The following PAICS variants were observed in gnomAD, a reference collection of about 807,000 sequenced individuals.
PAICS encodes phosphoribosylaminoimidazole carboxylase and phosphoribosylaminoimidazolesuccinocarboxamide synthase.
A neutral mutation model predicts 53.7 loss-of-function variants in PAICS; 33 were observed. That is an observed-to-expected ratio of 0.61 (90% CI 0.47 to 0.82). The LOEUF (loss-of-function observed/expected upper bound fraction) is 0.82, where lower values mean the gene tolerates loss of function less well. PAICS is among the 40% of genes least tolerant of loss of function. The pLI is 0.00. For synonymous variants in PAICS, 141 were observed against 167.2 expected (o/e 0.84, Z 1.21); for missense variants, 394 against 494.1 (o/e 0.80, Z 1.92).
chr4:56,412,309 C>CT, the PAICS span, among the ~76,000 whole-genome samples: 1,303 of 142,070 alleles, frequency 9.2e-3, 19 homozygotes, highest in Admixed American at 0.046. Flanking sequence ...CTCCCATCAC[C>CT]TTTTTTTTTT....
At chr4:56,420,432 G>A in the PAICS span, 2 of 152,140 alleles carry the variant, frequency 1.3e-5, no homozygotes, top group Non-Finnish European at 2.9e-5. Context: ...CCTGTATTGA[G>A]AATGTTCAGT....
rs113021519 is a variant in PAICS at position 56,443,498 on chromosome 4, AT to A, written c.214+1649del. 6.7e-3 allele frequency among the ~76,000 whole-genome samples: 998 copies of A among 147,904 alleles called. 18 individuals are homozygous for A. Among genetic ancestry groups the A allele is most frequent in the South Asian group, 0.04 (188 of 4,702 alleles). ...CCACCACACCCGGCCTGTTCCATCGATTTTTTTTTTTCTTCCCAAGTTTTAA... is the reference window on the plus strand; with the variant it reads ...CCACCACACCCGGCCTGTTCCATCGATTTTTTTTTTCTTCCCAAGTTTTAA... On this transcript the variant is annotated intron_variant, in intron 2 of 8. Transcript: ENST00000512576.
chr4:56,440,942 CTTCTTAGG>C (rs1294912630), intron 1 of PAICS, among the ~76,000 whole-genome samples: 3 of 152,130 alleles, frequency 2.0e-5, no homozygotes, highest in Non-Finnish European at 4.4e-5. Context: ...CTTTTGTGTA[CTTCTTAGG>C]TTTTGTGACC....
At chr4:56,435,983 A>G (rs1384720914), upstream of PAICS, 1 of 1,522,900 alleles carries the variant, frequency 6.6e-7, no homozygotes, top group African/African-American at 1.4e-5. Context: ...GGGGTATGCG[A>G]GCTTCCGCAG....
At chr4:56,436,414 T>C in intron 1 of PAICS, 86 bp downstream of exon 1, 1 of 1,095,600 alleles carries the variant, frequency 9.1e-7, no homozygotes, top group South Asian at 1.3e-5. Flanking sequence ...CGAAACTCTG[T>C]CCCGCCTCCC....
At chr4:56,442,633 C>A (rs576557158) in intron 2 of PAICS, among the ~76,000 whole-genome samples, 5 of 152,156 alleles carry the variant, frequency 3.3e-5, no homozygotes, top group Admixed American at 1.3e-4. Context: ...ACCTACGAAA[C>A]CTTACCTATG....
At chr4:56,418,901 G>A in the PAICS span, among the ~76,000 whole-genome samples, 5 of 152,284 alleles carry the variant, frequency 3.3e-5, no homozygotes, top group South Asian at 1.0e-3. Flanking sequence ...TACTGCCTAG[G>A]AACAAGGCAT....
chr4:56,448,260 C>T (rs1718717955), intron 3 of PAICS, among the ~76,000 whole-genome samples, 158 bp from the exon 4 acceptor site: 1 of 152,066 alleles, frequency 6.6e-6, no homozygotes, highest in Non-Finnish European at 1.5e-5. Flanking sequence ...CCACCTCAGC[C>T]CCCTAAAGTG....
intron 7 of PAICS, 49 bp from the exon 8 acceptor site, chr4:56,453,554 A>T: frequency 1.6e-6 from 2 of 1,259,534 alleles, no homozygotes; most frequent in Non-Finnish European, 2.2e-6. Context: ...CCCTGTCTTT[A>T]AATCTGTTTT....
chr4:56,448,010 T>TTC (rs1718703321), intron 3 of PAICS, among the ~76,000 whole-genome samples: 1 of 144,424 alleles, frequency 6.9e-6, no homozygotes, highest in East Asian at 2.0e-4. Flanking sequence ...TTCTTTTCTT[T>TTC]TTTTTTTTTT....
At chr4:56,429,027 A>G in the PAICS span, 56 of 858,934 alleles carry the variant, frequency 6.5e-5, no homozygotes, top group Non-Finnish European at 7.3e-5. Flanking sequence ...AGAAATAACA[A>G]GTTCTTCCAC....
chr4:56,450,782 G>T (rs905235020), intron 6 of PAICS, 80 bp downstream of exon 6: 199 of 742,246 alleles, frequency 2.7e-4, no homozygotes, highest in Admixed American at 4.3e-4. Context: ...AAAAAAATGG[G>T]AGAGTATAGT....
At chr4:56,438,404 A>ATATATAT (rs1578145839) in intron 1 of PAICS, among the ~76,000 whole-genome samples, 5 of 41,478 alleles carry the variant, frequency 1.2e-4, no homozygotes, top group South Asian at 9.1e-4. Context: ...TATATATATA[A>ATATATAT]AAGGTTTTTT....
At chr4:56,435,250 G>A, upstream of PAICS, 1 of 1,547,244 alleles carries the variant, frequency 6.5e-7, no homozygotes, top group Non-Finnish European at 8.8e-7. Context: ...GGAGAGGTCG[G>A]TCCTCCCGGG....
chr4:56,434,326 G>A (rs1520025), upstream of PAICS, among the ~76,000 whole-genome samples: 5,972 of 152,210 alleles, frequency 0.039, 159 homozygotes, highest in Admixed American at 0.089. Flanking sequence ...GCGTTTATAC[G>A]TGTTGCACCC....
At chr4:56,433,808 C>T (rs1227810533), upstream of PAICS, among the ~76,000 whole-genome samples, 1 of 152,040 alleles carries the variant, frequency 6.6e-6, no homozygotes, top group Non-Finnish European at 1.5e-5. Flanking sequence ...GATTCTCCTG[C>T]CTCAGCCTCC....
At chr4:56,423,718 G>C in the PAICS span, among the ~76,000 whole-genome samples, 2 of 151,654 alleles carry the variant, frequency 1.3e-5, no homozygotes, top group Non-Finnish European at 2.9e-5. Flanking sequence ...AATATATTTA[G>C]AAAATGTGAA....
At chr4:56,421,628 AAG>A in the PAICS span, 1 of 152,204 alleles carries the variant, frequency 6.6e-6, no homozygotes, top group Non-Finnish European at 1.5e-5. Flanking sequence ...GCGTCTAGGG[AAG>A]AGAGGGGAAC....
chr4:56,460,527 T>A lies in PAICS; in HGVS notation c.*989T>A, dbSNP rs1719454613. 1 of 152,254 alleles carries A rather than the reference T, an allele frequency of 6.6e-6. No homozygotes were observed. The highest frequency in any genetic ancestry group is 2.4e-5 in the African/African-American group (1 of 41,462). 9.4% of individuals were successfully genotyped at this position (152,254 alleles called of 1,614,324 possible). A position where few individuals can be genotyped will look rare whatever the true frequency, so the allele number is the denominator to read the frequency against. On this transcript the variant is annotated 3_prime_UTR_variant, in exon 9 of 9. Transcript: ENST00000512576. ...TCCAAGTTGATTGCCCAAGGACTTC[T>A]AACAATAAACTCTCTTTTGCACCAC...
Sources: gnomAD v4.1 joint callset for allele counts (sites outside exome capture counted in the v4.1 genomes callset) on GRCh38, gnomAD v4.1.1 for gene constraint, MANE v1.5 for transcripts, NCBI Gene and HGNC (gene_info 2026-07-23, HGNC 2026-07-21) for gene names.